PRICKLE2: variants seen among roughly 807,000 people sequenced by gnomAD.
PRICKLE2 encodes prickle planar cell polarity protein 2.
Under a neutral mutation model 81.4 loss-of-function variants are expected in PRICKLE2, and 21 were observed. The observed-to-expected ratio is 0.26, with a 90% CI of 0.18 to 0.37. The LOEUF (loss-of-function observed/expected upper bound fraction) is 0.37, where lower values mean the gene tolerates loss of function less well. Ranked by LOEUF, PRICKLE2 falls within the 10% of genes least tolerant of loss-of-function variation. The pLI, the probability that PRICKLE2 is intolerant of heterozygous loss-of-function variation, is 1.00. For synonymous variants in PRICKLE2, 456 were observed against 421.5 expected (o/e 1.08, Z -1.00); for missense variants, 940 against 1,109.0 (o/e 0.85, Z 2.16).
At position 64,129,158 on chromosome 3, in the gene PRICKLE2, TTAAAAATACAAGACTCAAGTGTTG is replaced by T. The variant is rs550754036; in HGVS notation, c.1660+17648_1660+17671del. On this transcript the variant is annotated intron_variant, in intron 7 of 7. Coordinates refer to ENST00000638394, the MANE Select transcript of PRICKLE2 (RefSeq NM_198859.4). Reference sequence around the variant, plus strand: ...CAGGTTGAGAACCATGGGATTATGGTTAAAAATACAAGACTCAAGTGTTGTAAAAATACAAGACTCAAGTGTTGA... The same window carrying T: ...CAGGTTGAGAACCATGGGATTATGGTTAAAAATACAAGACTCAAGTGTTGA... Among the ~76,000 whole-genome samples, 188 of 152,244 alleles carry T rather than the reference TTAAAAATACAAGACTCAAGTGTTG, an allele frequency of 1.2e-3. 3 individuals are homozygous for T. In the East Asian group the frequency reaches 0.031, roughly 25 times the overall value.
chr3:64,216,738 ACT>A (rs202083222), intron 1 of PRICKLE2, among the ~76,000 whole-genome samples: 3,462 of 152,212 alleles, frequency 0.023, 137 homozygotes, highest in African/African-American at 0.079. Flanking sequence ...GCTGCTTTCT[ACT>A]TATTCCCCTT....
At chr3:64,264,614 C>T (rs2079670295) in intron 2 of PRICKLE2, among the ~76,000 whole-genome samples, 1 of 152,212 alleles carries the variant, frequency 6.6e-6, no homozygotes, top group African/African-American at 2.4e-5. Flanking sequence ...TCCAACTCAA[C>T]AGATGTTTGC....
At chr3:64,259,749 T>C (rs1575725417) in intron 2 of PRICKLE2, among the ~76,000 whole-genome samples, 1 of 152,110 alleles carries the variant, frequency 6.6e-6, no homozygotes, top group Non-Finnish European at 1.5e-5. Flanking sequence ...AATGTGAAGA[T>C]GGAGGCAGCT....
At chr3:64,181,240 C>G (rs1237902567) in intron 2 of PRICKLE2, among the ~76,000 whole-genome samples, 2 of 152,100 alleles carry the variant, frequency 1.3e-5, no homozygotes, top group African/African-American at 4.8e-5. Context: ...TCTGATTGCT[C>G]TAGGAGTGGC....
chr3:64,193,543 A>AT (rs2078388127), intron 2 of PRICKLE2, among the ~76,000 whole-genome samples: 1 of 152,216 alleles, frequency 6.6e-6, no homozygotes, highest in Non-Finnish European at 1.5e-5. Flanking sequence ...ACAGCTCAAG[A>AT]TAAGTGGAGA....
intron 7 of PRICKLE2, among the ~76,000 whole-genome samples, chr3:64,107,045 G>C (rs1174355942): frequency 6.6e-6 from 1 of 152,226 alleles, no homozygotes; most frequent in East Asian, 1.9e-4. Flanking sequence ...TGATGATAGA[G>C]TTAAACGCAG....
intron 2 of PRICKLE2, among the ~76,000 whole-genome samples, chr3:64,165,824 A>G (rs1463252645): frequency 6.6e-6 from 1 of 152,204 alleles, no homozygotes; most frequent in East Asian, 1.9e-4. Context: ...TTGAATGGGC[A>G]GCAACACTGC....
chr3:64,148,502 T>C (rs746394216), intron 6 of PRICKLE2, among the ~76,000 whole-genome samples: 5 of 152,180 alleles, frequency 3.3e-5, no homozygotes, highest in Admixed American at 6.5e-5. Flanking sequence ...TGTGTGTAGA[T>C]AGATCGAGTG....
At chr3:64,227,254 C>T (rs1180597807), upstream of PRICKLE2, among the ~76,000 whole-genome samples, 3 of 152,074 alleles carry the variant, frequency 2.0e-5, no homozygotes, top group Non-Finnish European at 2.9e-5. Flanking sequence ...GAACTCAGAG[C>T]GTGTAGGGAG....
chr3:64,108,181 T>A (rs1187028681), intron 7 of PRICKLE2, among the ~76,000 whole-genome samples: 2 of 152,234 alleles, frequency 1.3e-5, no homozygotes, highest in Non-Finnish European at 2.9e-5. Flanking sequence ...ATATTTACTT[T>A]CTGGCCCTTT....
chr3:64,099,413 G>T lies in PRICKLE2; in HGVS notation c.2173C>A (p.Gln725Lys). The T allele has an allele frequency of 6.3e-7, 1 of 1,597,188 alleles. No homozygotes were observed. Among genetic ancestry groups the T allele is most frequent in the African/African-American group, 1.3e-5 (1 of 74,424 alleles). Residue 725 changes from glutamine to lysine, a missense_variant, in exon 8 of 8, where the codon CAA becomes AAA. Physicochemically the swap from Gln to Lys is moderately conservative, Grantham distance 53 (BLOSUM62 1). Transcript: ENST00000638394. This position sits in a 1 kb window ranked among gnomAD's most constrained non-coding sequence, Gnocchi z 4.3. ...PPLRAREDYDQFMRQRSFQES... is the reference protein window; with the variant it reads ...PPLRAREDYDKFMRQRSFQES... ...TGGAAGCTCCGCTGGCGCATAAATT[G>T]GTCATAGTCCTCCCTGGCTCTCAGA... is the stretch of plus-strand genomic sequence containing the variant.
intron 7 of PRICKLE2, among the ~76,000 whole-genome samples, chr3:64,118,701 T>A (rs528349536): frequency 6.5e-5 from 9 of 138,260 alleles, no homozygotes; most frequent in Non-Finnish European, 1.1e-4. Flanking sequence ...AAATTACTGA[T>A]GCTGGCTATT....
chr3:64,094,149 T>C lies in PRICKLE2; in HGVS notation c.*4902A>G, dbSNP rs964729718. ...CAAAGCAATCCTGTGGAGGAAAGAA[T>C]GAGTTTAGGAGAGGAAAACCTGCCG... On this transcript the variant is annotated 3_prime_UTR_variant, in exon 8 of 8. Coordinates refer to ENST00000638394, the MANE Select transcript of PRICKLE2 (RefSeq NM_198859.4). 1 of 152,136 alleles carries C rather than the reference T, an allele frequency of 6.6e-6. No homozygotes were observed. The highest frequency in any genetic ancestry group is 2.4e-5 in the African/African-American group (1 of 41,384). The allele number at this position is 152,136 out of a possible 1,614,324, so 9.4% of individuals were successfully genotyped here. A position where few individuals can be genotyped will look rare whatever the true frequency, so the allele number is the denominator to read the frequency against.
intron 2 of PRICKLE2, among the ~76,000 whole-genome samples, chr3:64,250,957 C>T (rs2079439151): frequency 6.6e-6 from 1 of 152,164 alleles, no homozygotes; most frequent in South Asian, 2.1e-4. Flanking sequence ...CACCCTCAGC[C>T]CAACCCCAGC....
intron 7 of PRICKLE2, among the ~76,000 whole-genome samples, chr3:64,145,007 AT>A (rs1384888580): frequency 3.9e-5 from 6 of 151,946 alleles, no homozygotes; most frequent in African/African-American, 1.5e-4. Flanking sequence ...AAGTAGCACT[AT>A]CACAGAGAAA....
intron 2 of PRICKLE2, among the ~76,000 whole-genome samples, chr3:64,192,275 C>G (rs1224121791): frequency 6.6e-6 from 1 of 152,172 alleles, no homozygotes; most frequent in Non-Finnish European, 1.5e-5. Flanking sequence ...GTGTCAGGCA[C>G]TATGCTAGGT....
chr3:64,198,684 T>C (rs191611691), intron 2 of PRICKLE2, 100 bp downstream of exon 2: 8 of 1,321,196 alleles, frequency 6.1e-6, no homozygotes, highest in Admixed American at 1.7e-5. Context: ...CTTCTCTGAA[T>C]CAGCAAAGTC....
At chr3:64,203,290 T>C (rs1284735929) in intron 1 of PRICKLE2, among the ~76,000 whole-genome samples, 2 of 152,214 alleles carry the variant, frequency 1.3e-5, no homozygotes, top group Non-Finnish European at 2.9e-5. Flanking sequence ...AACTCTTTAA[T>C]TAATCAGCTA....
intron 2 of PRICKLE2, among the ~76,000 whole-genome samples, chr3:64,170,193 C>T (rs1157234337): frequency 6.6e-6 from 1 of 152,172 alleles, no homozygotes; most frequent in Non-Finnish European, 1.5e-5. Flanking sequence ...AAACAACAGT[C>T]TAATGCCTAA....
Sources: gnomAD v4.1 joint callset for allele counts (sites outside exome capture counted in the v4.1 genomes callset) on GRCh38, gnomAD v4.1.1 for gene constraint, Gnocchi (gnomAD v3.1) non-coding constraint, MANE v1.5 for transcripts, NCBI Gene and HGNC (gene_info 2026-07-23, HGNC 2026-07-21) for gene names.